Variants in CFAP69 observed in about 807,000 individuals in gnomAD.
CFAP69 encodes cilia and flagella associated protein 69.
In CFAP69, 92 loss-of-function variants were observed where a neutral mutation model predicts 123.0. That is an observed-to-expected ratio of 0.75 (90% CI 0.63 to 0.89). The LOEUF is 0.89. Ranked by LOEUF, CFAP69 falls within the 40% of genes least tolerant of loss-of-function variation. The pLI is 0.00. For missense variants in CFAP69, 1,067 were observed against 1,096.9 expected (o/e 0.97, Z 0.39); for synonymous variants, 380 against 364.3 (o/e 1.04, Z -0.49).
At chr7:90,246,246 A>T (rs1796303480) in intron 1 of CFAP69, among the ~76,000 whole-genome samples, 1 of 152,108 alleles carries the variant, frequency 6.6e-6, no homozygotes, top group Non-Finnish European at 1.5e-5. Context: ...TCTCTATTCG[A>T]GGCGGAGGTG....
chr7:90,246,221 T>C (rs1172063941), intron 1 of CFAP69, among the ~76,000 whole-genome samples: 1 of 152,204 alleles, frequency 6.6e-6, no homozygotes, highest in Non-Finnish European at 1.5e-5. Flanking sequence ...AGAAATTCCA[T>C]TTGAGGCCCT....
chr7:90,259,469 G>GCT (rs1798036789), intron 3 of CFAP69, among the ~76,000 whole-genome samples: 1 of 104,480 alleles, frequency 9.6e-6, no homozygotes, highest in Non-Finnish European at 2.0e-5. Flanking sequence ...TTTGTTTTGG[G>GCT]GTGTTTGTTT....
At chr7:90,282,773 T>A in intron 12 of CFAP69, 119 bp from the exon 13 acceptor site, 1 of 782,124 alleles carries the variant, frequency 1.3e-6, no homozygotes, top group Non-Finnish European at 1.8e-6. Context: ...AAAAAAAAAC[T>A]AAAGCAAATA....
At chr7:90,311,853 G>C (rs1331409344), downstream of CFAP69, among the ~76,000 whole-genome samples, 1 of 152,112 alleles carries the variant, frequency 6.6e-6, no homozygotes, top group Non-Finnish European at 1.5e-5. Flanking sequence ...GTTCTCTCCT[G>C]AATCCCTTTC....
chr7:90,320,546 G>A, the CFAP69 span: 2 of 152,230 alleles, frequency 1.3e-5, no homozygotes, highest in African/African-American at 4.8e-5. Flanking sequence ...ATAAGAGGAA[G>A]TTAAAGACTA....
chr7:90,245,619 G>C (rs1313627744), intron 1 of CFAP69, 75 bp downstream of exon 1: 7 of 1,418,430 alleles, frequency 4.9e-6, no homozygotes, highest in Non-Finnish European at 5.5e-6. Context: ...CAGACCTGGG[G>C]GTGGCAAGGG....
intron 1 of CFAP69, among the ~76,000 whole-genome samples, chr7:90,247,485 C>T (rs1796469363): frequency 6.6e-6 from 1 of 152,162 alleles, no homozygotes; most frequent in African/African-American, 2.4e-5. Context: ...GACCAAAGAC[C>T]AGTATCTTAA....
chr7:90,277,613 T>C (rs1788805715), intron 11 of CFAP69, among the ~76,000 whole-genome samples: 1 of 152,122 alleles, frequency 6.6e-6, no homozygotes, highest in Admixed American at 6.6e-5. Flanking sequence ...CAGCATAAAA[T>C]GAAAGAAGCT....
chr7:90,258,030 T>G (rs1198525737), intron 2 of CFAP69, 68 bp from the exon 3 acceptor site: 1 of 1,065,524 alleles, frequency 9.4e-7, no homozygotes, highest in African/African-American at 1.6e-5. Flanking sequence ...ACTTTTATGT[T>G]GAAGAATTTT....
chr7:90,270,427 G>A (rs1203342988), intron 6 of CFAP69, among the ~76,000 whole-genome samples: 3 of 152,062 alleles, frequency 2.0e-5, no homozygotes, highest in African/African-American at 4.8e-5. Context: ...TGTTAAAATT[G>A]TATGCATACA....
intron 21 of CFAP69, among the ~76,000 whole-genome samples, 196 bp from the exon 22 acceptor site, chr7:90,309,067 T>A (rs1310431225): frequency 6.6e-6 from 1 of 152,070 alleles, no homozygotes; most frequent in African/African-American, 2.4e-5. Flanking sequence ...GTGACTGGAG[T>A]CTTCTTCAAT....
At position 90,309,318 on chromosome 7, in the gene CFAP69, C is replaced by T. The variant is rs749037656; in HGVS notation, c.2606C>T (p.Pro869Leu). 6.3e-7 allele frequency: 1 copy of T among 1,587,676 alleles called. No individual in the cohort carries two copies. The highest frequency in any genetic ancestry group is 1.2e-5 in the South Asian group (1 of 85,616). The change falls in exon 22 of 23, where the codon CCA becomes CTA. Residue 869 changes from proline to leucine, a missense_variant. Pro to Leu is a moderately conservative substitution (Grantham distance 98). Transcript: ENST00000389297. ...AIEASRYHKR[P>L]QNAIFHQTHI... ...GAAGCCTCCAGATACCATAAACGACCACAAAATGCAATATTTCACCAAACA... is the reference window on the plus strand; with the variant it reads ...GAAGCCTCCAGATACCATAAACGACTACAAAATGCAATATTTCACCAAACA...
At chr7:90,249,194 A>C (rs2116523769) in intron 1 of CFAP69, among the ~76,000 whole-genome samples, 1 of 152,254 alleles carries the variant, frequency 6.6e-6, no homozygotes, top group East Asian at 1.9e-4. Flanking sequence ...TGTTCTCATG[A>C]TAGTGAGTTC....
chr7:90,307,521 C>A (rs1220772093), intron 20 of CFAP69, among the ~76,000 whole-genome samples: 2 of 151,998 alleles, frequency 1.3e-5, no homozygotes, highest in Non-Finnish European at 2.9e-5. Flanking sequence ...TTGTGGTTTT[C>A]TCTTAGAGTT....
chr7:90,319,769 TGA>T, the CFAP69 span: 3 of 398,106 alleles, frequency 7.5e-6, no homozygotes, highest in African/African-American at 2.1e-5. Flanking sequence ...GAAAAAAAAA[TGA>T]GAGAGGATAT....
At chr7:90,306,788 A>T in intron 19 of CFAP69, 113 bp from the exon 20 acceptor site, 1 of 685,382 alleles carries the variant, frequency 1.5e-6, no homozygotes, top group Non-Finnish European at 2.6e-6. Context: ...GAAGTAATTT[A>T]GGAAAAGTTT....
At chr7:90,247,719 G>A (rs1796506326) in intron 1 of CFAP69, among the ~76,000 whole-genome samples, 1 of 151,992 alleles carries the variant, frequency 6.6e-6, no homozygotes, top group African/African-American at 2.4e-5. Flanking sequence ...GGTGATGCAC[G>A]CCTGTAGTCC....
At position 90,271,874 on chromosome 7, in the gene CFAP69, G is replaced by A. The variant is rs371329848; in HGVS notation, c.776G>A (p.Arg259His). The change falls in exon 8 of 23, where the codon CGT becomes CAT. Residue 259 changes from arginine (R) to histidine (H), a missense_variant. By Grantham distance (29) the Arg-to-His change is conservative. Coordinates refer to ENST00000389297, the MANE Select transcript of CFAP69 (RefSeq NM_001039706.3). Reference sequence around the variant, plus strand: ...GATCCCTCTGGACAGCTTTTATTTCGTTCATCAGAAATACTTTGGAACTTG... The same window carrying A: ...GATCCCTCTGGACAGCTTTTATTTCATTCATCAGAAATACTTTGGAACTTG... ...DPDPSGQLLFRSSEILWNLLE... is the reference protein window; with the variant it reads ...DPDPSGQLLFHSSEILWNLLE... 204 of 1,610,834 alleles carry A rather than the reference G, an allele frequency of 1.3e-4. No homozygotes were observed. The highest frequency in any genetic ancestry group is 1.5e-4 in the Non-Finnish European group (173 of 1,178,104).
At chr7:90,273,888 A>G (rs1800347291) in intron 8 of CFAP69, 99 bp from the exon 9 acceptor site, 1 of 936,628 alleles carries the variant, frequency 1.1e-6, no homozygotes, top group Non-Finnish European at 1.5e-6. Context: ...TCCTAAAACC[A>G]TCACATTGGG....
Sources: allele counts gnomAD v4.1 joint callset (sites outside exome capture counted in the v4.1 genomes callset), GRCh38; gene constraint gnomAD v4.1.1; transcripts MANE v1.5; gene names NCBI Gene and HGNC (gene_info 2026-07-23, HGNC 2026-07-21).